Variants in FOCAD observed in about 807,000 individuals in gnomAD.
The protein encoded by FOCAD is KIAA1797.
FOCAD carries 198 observed loss-of-function variants against 225.6 expected under a neutral mutation model. The ratio of observed to expected loss-of-function variants is 0.88; its 90% CI spans 0.78 to 0.99. The LOEUF is 0.99. Ranked by LOEUF, FOCAD falls within the 50% of genes least tolerant of loss-of-function variation. The pLI is 0.00. For missense variants in FOCAD, 2,713 were observed against 2,123.6 expected (o/e 1.28, Z -5.46); for synonymous variants, 897 against 755.0 (o/e 1.19, Z -3.08).
At chr9:20,821,996 T>TAAAAAAAAAAA (rs58640962) in intron 14 of FOCAD, among the ~76,000 whole-genome samples, 1 of 49,338 alleles carries the variant, frequency 2.0e-5, no homozygotes, top group Non-Finnish European at 3.6e-5. Context: ...TAAAAGTTAC[T>TAAAAAAAAAAA]AAAAAAAAAA....
intron 15 of FOCAD, among the ~76,000 whole-genome samples, chr9:20,842,355 A>G (rs1355507711): frequency 6.6e-6 from 1 of 151,962 alleles, no homozygotes; most frequent in East Asian, 1.9e-4. Context: ...GTCTGCAGCT[A>G]TTATTGTCTT....
Position 20,740,219 on chromosome 9 carries a change from G to C in FOCAD, c.288-17G>C, listed in dbSNP as rs371273719. The C allele has an allele frequency of 2.9e-4, 423 of 1,437,732 alleles. 1 individual carries two copies. The highest frequency in any genetic ancestry group is 1.9e-3 in the South Asian group (162 of 83,828). 89.1% of individuals were successfully genotyped at this position (1,437,732 alleles called of 1,614,324 possible). On this transcript the variant is annotated splice_polypyrimidine_tract_variant and intron_variant, in intron 4 of 43. Coordinates refer to ENST00000338382, the MANE Select transcript of FOCAD (RefSeq NM_001375567.1). ...ACTTTTTATCTATAACATTTAACAT[G>C]CTATATTTCTTTGCAGAAATACACA...
chr9:20,697,634 G>A (rs1023908590), intron 1 of FOCAD, among the ~76,000 whole-genome samples: 1 of 152,000 alleles, frequency 6.6e-6, no homozygotes, highest in East Asian at 1.9e-4. Context: ...TTTATTCTTC[G>A]GCAGATGCCA....
At chr9:20,660,225 C>G (rs764178314) in intron 2 of FOCAD, among the ~76,000 whole-genome samples, 1 of 152,198 alleles carries the variant, frequency 6.6e-6, no homozygotes, top group East Asian at 1.9e-4. Context: ...ATGGTTAACA[C>G]TTAACCTAGG....
At chr9:20,712,122 C>A (rs1054911443) in intron 1 of FOCAD, among the ~76,000 whole-genome samples, 23 of 151,952 alleles carry the variant, frequency 1.5e-4, no homozygotes, top group Non-Finnish European at 1.3e-4. Flanking sequence ...TACGATCTCT[C>A]CCTCCAAGTT....
chr9:20,697,954 A>C (rs1438619992), intron 1 of FOCAD, among the ~76,000 whole-genome samples: 1 of 152,222 alleles, frequency 6.6e-6, no homozygotes, highest in Non-Finnish European at 1.5e-5. Context: ...ATAGCTTCTA[A>C]TAACTCAAAG....
chr9:20,949,591 C>T lies in FOCAD; in HGVS notation c.3877-13C>T. The T allele has an allele frequency of 1.9e-6, 3 of 1,611,968 alleles. No homozygotes were observed. Among genetic ancestry groups the T allele is most frequent in the East Asian group, 2.2e-5 (1 of 44,838 alleles). ...GGGGTGGGTGGGATGGGTATTTCTT[C>T]TTATTCTTTCAGCTGAAATCAGAAG... On this transcript the variant is annotated splice_polypyrimidine_tract_variant and intron_variant, in intron 32 of 43. Coordinates refer to ENST00000338382, the MANE Select transcript of FOCAD (RefSeq NM_001375567.1).
chr9:20,877,824 C>A (rs967602966), intron 19 of FOCAD, among the ~76,000 whole-genome samples: 1 of 152,088 alleles, frequency 6.6e-6, no homozygotes, highest in African/African-American at 2.4e-5. Context: ...ACGAGAGAGT[C>A]GCTTGAACCT....
At chr9:20,902,674 A>G (rs1587555003) in intron 21 of FOCAD, among the ~76,000 whole-genome samples, 2 of 152,058 alleles carry the variant, frequency 1.3e-5, no homozygotes, top group East Asian at 3.9e-4. Flanking sequence ...TCTAGGCAGG[A>G]ATCAGATAGG....
chr9:20,919,875 G>A (rs1834228991), intron 24 of FOCAD, among the ~76,000 whole-genome samples: 1 of 151,742 alleles, frequency 6.6e-6, no homozygotes, highest in African/African-American at 2.4e-5. Context: ...GAAAACCTAG[G>A]CAATACCATT....
intron 26 of FOCAD, chr9:20,928,982 A>C (rs556848433): frequency 6.3e-6 from 1 of 157,978 alleles, no homozygotes; most frequent in Non-Finnish European, 1.4e-5. Context: ...CCAAGCTCAG[A>C]TAGCTTCAGT....
At chr9:20,818,942 C>A (rs1045910633) in intron 11 of FOCAD, among the ~76,000 whole-genome samples, 1 of 152,080 alleles carries the variant, frequency 6.6e-6, no homozygotes, top group African/African-American at 2.4e-5. Context: ...CATTTAATTT[C>A]AAGATCAATT....
rs1231408893 is a variant in FOCAD, at chr9:20,693,367, GAAACCTCTCTCT to G, written c.-33+9075_-33+9086del. Among the ~76,000 whole-genome samples, 8 of 152,278 alleles carry G rather than the reference GAAACCTCTCTCT, an allele frequency of 5.3e-5. No homozygotes were observed. The South Asian group carries it at 1.7e-3, about 32-fold the overall frequency. On this transcript the variant is annotated intron_variant, in intron 1 of 43. Transcript: ENST00000338382. ...TTCCCTGACCATCCTTTTAAAAATAGAAACCTCTCTCTCTAATACTGTCTATCCTCCACTCTG... is the reference window on the plus strand; with the variant it reads ...TTCCCTGACCATCCTTTTAAAAATAGCTAATACTGTCTATCCTCCACTCTG...
rs1825224780 is a variant in FOCAD at position 20,715,099 on chromosome 9, A to C, written c.-32-223A>C. On this transcript the variant is annotated intron_variant, in intron 1 of 43. Coordinates refer to ENST00000338382, the MANE Select transcript of FOCAD (RefSeq NM_001375567.1). ...TTTTCAGGATTAGCTCTCATGGGAA[A>C]AACCAAGAGCTGTTGGGCATTTTTA... Among the ~76,000 whole-genome samples, 3 of 152,210 alleles carry C rather than the reference A, an allele frequency of 2.0e-5. No individual in the cohort carries two copies. In the South Asian group the frequency reaches 6.2e-4, roughly 32 times the overall value.
intron 21 of FOCAD, among the ~76,000 whole-genome samples, chr9:20,898,211 T>C (rs920044000): frequency 2.0e-4 from 30 of 151,892 alleles, no homozygotes; most frequent in African/African-American, 6.8e-4. Context: ...CAAATACCTA[T>C]AGGTTTTTGG....
chr9:20,914,037 G>C (rs988630592), intron 23 of FOCAD, among the ~76,000 whole-genome samples: 1 of 151,916 alleles, frequency 6.6e-6, no homozygotes, highest in Non-Finnish European at 1.5e-5. Flanking sequence ...GGCCAAGGCA[G>C]GTGGATCATT....
At chr9:20,991,914 A>G (rs969101186) in intron 42 of FOCAD, among the ~76,000 whole-genome samples, 1 of 151,604 alleles carries the variant, frequency 6.6e-6, no homozygotes, top group Non-Finnish European at 1.5e-5. Flanking sequence ...GACCTCTTGC[A>G]TTGATTATAT....
At chr9:20,814,068 T>G (rs1488603342) in intron 11 of FOCAD, among the ~76,000 whole-genome samples, 1 of 152,222 alleles carries the variant, frequency 6.6e-6, no homozygotes, top group Admixed American at 6.5e-5. Flanking sequence ...ACTTTCAGCC[T>G]GTGTGTGTCC....
intron 15 of FOCAD, among the ~76,000 whole-genome samples, chr9:20,830,945 T>C (rs191557225): frequency 1.1e-4 from 16 of 152,232 alleles, no homozygotes; most frequent in African/African-American, 3.8e-4. Context: ...CCCAAAGTAC[T>C]GAGATTATAG....
Sources: gnomAD v4.1 joint callset for allele counts (sites outside exome capture counted in the v4.1 genomes callset) on GRCh38, gnomAD v4.1.1 for gene constraint, MANE v1.5 for transcripts, NCBI Gene and HGNC (gene_info 2026-07-23, HGNC 2026-07-21) for gene names.